The following PKD1L1 variants were observed in gnomAD, a reference collection of about 807,000 sequenced individuals.
PKD1L1 encodes the protein polycystin 1 like 1, transient receptor potential channel interacting.
PKD1L1 carries 236 observed loss-of-function variants against 323.4 expected under a neutral mutation model. The observed-to-expected ratio is 0.73, with a 90% CI of 0.66 to 0.81. The LOEUF (loss-of-function observed/expected upper bound fraction) is 0.81. Among genes scored for constraint, PKD1L1 ranks in the 40% least tolerant of loss-of-function variants. The pLI, the probability that PKD1L1 is intolerant of heterozygous loss-of-function variation, is 0.00. For synonymous variants in PKD1L1, 1,344 were observed against 1,335.0 expected, an observed-to-expected ratio of 1.01 and a Z score of -0.15; for missense variants, 3,320 against 3,508.0, an observed-to-expected ratio of 0.95 and a Z score of 1.35.
At chr7:47,948,943 T>C (rs1041997126), upstream of PKD1L1, among the ~76,000 whole-genome samples, 2 of 151,844 alleles carry the variant, frequency 1.3e-5, no homozygotes, top group African/African-American at 4.8e-5. Flanking sequence ...AGACTCTGCC[T>C]CAAAAACAAA....
intron 52 of PKD1L1, among the ~76,000 whole-genome samples, chr7:47,805,747 A>T (rs1020650460): frequency 8.5e-5 from 13 of 152,222 alleles, no homozygotes; most frequent in African/African-American, 3.1e-4. Flanking sequence ...CAGGACCCCA[A>T]GACCAGAGGC....
chr7:47,788,677 T>G (rs1220118855), intron 56 of PKD1L1, among the ~76,000 whole-genome samples: 3 of 150,704 alleles, frequency 2.0e-5, no homozygotes, highest in Non-Finnish European at 4.4e-5. Context: ...CTCACAGCAA[T>G]CTCCGCCTCC....
chr7:47,841,973 A>C (rs538779406), intron 34 of PKD1L1, among the ~76,000 whole-genome samples: 1 of 152,326 alleles, frequency 6.6e-6, no homozygotes, highest in African/African-American at 2.4e-5. Context: ...TCCTGTACGA[A>C]GAACCATCTC....
chr7:47,852,942 G>A (rs928415998), intron 31 of PKD1L1, among the ~76,000 whole-genome samples, 185 bp downstream of exon 31: 3 of 152,098 alleles, frequency 2.0e-5, no homozygotes, highest in South Asian at 2.1e-4. Flanking sequence ...CAAGGATGGC[G>A]CTCATCATGG....
intron 31 of PKD1L1, among the ~76,000 whole-genome samples, chr7:47,851,381 G>A (rs1785779596): frequency 6.6e-6 from 1 of 152,126 alleles, no homozygotes; most frequent in Non-Finnish European, 1.5e-5. Context: ...TAAAATAATG[G>A]AGGTGAACTA....
intron 6 of PKD1L1, among the ~76,000 whole-genome samples, chr7:47,930,792 G>T (rs1025604866): frequency 2.6e-5 from 4 of 152,190 alleles, no homozygotes; most frequent in Admixed American, 2.0e-4. Context: ...TCCAGCTTGG[G>T]TGACAGAGCG....
chr7:47,920,419 C>T (rs1262402713), intron 7 of PKD1L1, among the ~76,000 whole-genome samples: 1 of 152,020 alleles, frequency 6.6e-6, no homozygotes, highest in African/African-American at 2.4e-5. Context: ...AAACACATCC[C>T]ATGCTCATGG....
chr7:47,837,192 A>C, intron 36 of PKD1L1, 98 bp from the exon 37 acceptor site: 4 of 1,369,738 alleles, frequency 2.9e-6, no homozygotes, highest in Non-Finnish European at 4.0e-6. Context: ...AGAGACCACG[A>C]GCTTTCTGGT....
the PKD1L1 span, among the ~76,000 whole-genome samples, chr7:47,955,945 C>G: frequency 3.3e-5 from 5 of 152,342 alleles, no homozygotes; most frequent in Non-Finnish European, 5.9e-5. Flanking sequence ...AAATCCAAAA[C>G]TGAAGCTTCC....
At chr7:47,813,630 T>G in intron 48 of PKD1L1, 1 of 663,312 alleles carries the variant, frequency 1.5e-6, no homozygotes, top group Non-Finnish European at 2.8e-6. Context: ...AATATTCTAT[T>G]TTTAGATTGT....
intron 9 of PKD1L1, 85 bp from the exon 10 acceptor site, chr7:47,906,047 T>C (rs1158457641): frequency 7.8e-7 from 1 of 1,281,326 alleles, no homozygotes; most frequent in Non-Finnish European, 1.0e-6. Flanking sequence ...GTATTTTTCA[T>C]TTTTAACTTT....
intron 46 of PKD1L1, chr7:47,818,160 G>A: frequency 7.3e-7 from 1 of 1,367,754 alleles, no homozygotes; most frequent in South Asian, 1.1e-5. Context: ...ATCAGGAAAG[G>A]AGAACACAGA....
intron 12 of PKD1L1, 143 bp downstream of exon 12, chr7:47,904,235 G>T: frequency 8.8e-7 from 1 of 1,132,974 alleles, no homozygotes; most frequent in Non-Finnish European, 1.2e-6. Flanking sequence ...AGCATGGTCA[G>T]GTCTTATTTG....
Position 47,946,317 on chromosome 7 carries a change from C to T in PKD1L1, c.44+2080G>A, listed in dbSNP as rs1788094037. 6.6e-6 allele frequency among the ~76,000 whole-genome samples: 1 copy of T among 151,676 alleles called. No homozygotes were observed. The highest frequency in any genetic ancestry group is 1.5e-5 in the Non-Finnish European group (1 of 67,902). ...TCGGGGCCTGTCAGGGGCTGGGGGG[C>T]AAGGGGAGGGAGAGCATTAGGACAA... On this transcript the variant is annotated intron_variant, in intron 1 of 56. Coordinates refer to ENST00000289672, the MANE Select transcript of PKD1L1 (RefSeq NM_138295.5). This position sits in a 1 kb window ranked among gnomAD's most constrained non-coding sequence, Gnocchi z 4.1.
At chr7:47,925,524 T>C (rs59398644) in intron 7 of PKD1L1, among the ~76,000 whole-genome samples, 11,539 of 152,066 alleles carry the variant, frequency 0.076, 912 homozygotes, top group African/African-American at 0.2. Context: ...AATTCTAAGC[T>C]CTCCAACCTA....
chr7:47,788,414 C>T (rs191742807), intron 56 of PKD1L1, among the ~76,000 whole-genome samples: 137 of 150,638 alleles, frequency 9.1e-4, no homozygotes, highest in African/African-American at 3.1e-3. Context: ...CCTCAGCCTC[C>T]TGAGTAGTGG....
At chr7:47,918,167 A>G (rs555282809) in intron 7 of PKD1L1, among the ~76,000 whole-genome samples, 1 of 152,278 alleles carries the variant, frequency 6.6e-6, no homozygotes, top group Admixed American at 6.5e-5. Flanking sequence ...CAAACACCAA[A>G]AGCAAGCAGG....
intron 31 of PKD1L1, among the ~76,000 whole-genome samples, chr7:47,848,007 A>G (rs1785700271): frequency 6.6e-6 from 1 of 152,236 alleles, no homozygotes; most frequent in African/African-American, 2.4e-5. Context: ...AATATATGAA[A>G]AAATACCCAA....
At chr7:47,870,368 CAA>C (rs1267767721) in intron 24 of PKD1L1, among the ~76,000 whole-genome samples, 12 of 144,064 alleles carry the variant, frequency 8.3e-5, no homozygotes, top group Admixed American at 3.5e-4. Flanking sequence ...GACTGACAGA[CAA>C]AAAATAAGAG....
Sources: allele counts gnomAD v4.1 joint callset (sites outside exome capture counted in the v4.1 genomes callset), GRCh38; gene constraint gnomAD v4.1.1; non-coding constraint Gnocchi (gnomAD v3.1); transcripts MANE v1.5; gene names NCBI Gene and HGNC (gene_info 2026-07-23, HGNC 2026-07-21).